Variants in COG6 observed in about 807,000 individuals in gnomAD.
COG6 encodes conserved oligomeric Golgi complex subunit 6.
COG6 carries 74 observed loss-of-function variants against 88.8 expected under a neutral mutation model. That is an observed-to-expected ratio of 0.83 (90% CI 0.69 to 1.01). COG6 has a LOEUF of 1.01. Ranked by LOEUF, COG6 falls within the 50% of genes least tolerant of loss-of-function variation. COG6 has a pLI of 0.00. For missense variants in COG6, 800 were observed against 797.9 expected (o/e 1.00, Z -0.03); for synonymous variants, 286 against 278.7 (o/e 1.03, Z -0.26).
In COG6 at chr13:39,687,695, T is replaced by C; in HGVS notation, c.918-13T>C. 1 of 1,613,852 alleles carries C rather than the reference T, an allele frequency of 6.2e-7. No individual in the cohort carries two copies. The highest frequency in any genetic ancestry group is 8.5e-7 in the Non-Finnish European group (1 of 1,179,818). On this transcript the variant is annotated splice_polypyrimidine_tract_variant and intron_variant, in intron 9 of 18. Coordinates refer to ENST00000455146, the MANE Select transcript of COG6 (RefSeq NM_020751.3). Reference sequence around the variant, plus strand: ...TCCAAAGGAAATCTTCATTAACATTTAGTTTTCATTAGGTATGTAGGAGAT... The same window carrying C: ...TCCAAAGGAAATCTTCATTAACATTCAGTTTTCATTAGGTATGTAGGAGAT...
At chr13:39,700,741 TAG>T (rs1877529873) in intron 13 of COG6, among the ~76,000 whole-genome samples, 1 of 151,882 alleles carries the variant, frequency 6.6e-6, no homozygotes. Context: ...CTGGTTATTA[TAG>T]AATTCTATGA....
At chr13:39,759,461 CAT>C (rs1461056791) in intron 18 of COG6, among the ~76,000 whole-genome samples, 1 of 152,040 alleles carries the variant, frequency 6.6e-6, no homozygotes, top group Non-Finnish European at 1.5e-5. Flanking sequence ...AATGCAGAGT[CAT>C]ATAATAATAT....
intron 18 of COG6, 40 bp downstream of exon 18, chr13:39,727,588 A>C: frequency 1.5e-6 from 2 of 1,321,684 alleles, no homozygotes; most frequent in Non-Finnish European, 2.2e-6. Context: ...AAAGATTCAC[A>C]TATTTTTAAA....
In COG6 at chr13:39,719,465, T is replaced by G. The variant is rs1878727744; in HGVS notation, c.1416+98T>G. Reference sequence around the variant, plus strand: ...TTGTAATTCATATACTTTGACAGTCTCTTTCTTACTGTTAATTTTCCATCA... The same window carrying G: ...TTGTAATTCATATACTTTGACAGTCGCTTTCTTACTGTTAATTTTCCATCA... On this transcript the variant is annotated intron_variant, in intron 14 of 18. Coordinates refer to ENST00000455146, the MANE Select transcript of COG6 (RefSeq NM_020751.3). 4.6e-6 allele frequency: 5 copies of G among 1,075,828 alleles called. No individual in the cohort carries two copies. In the Admixed American group the frequency reaches 6.5e-5, roughly 14 times the overall value. 66.6% of individuals were successfully genotyped at this position (1,075,828 alleles called of 1,614,324 possible).
At chr13:39,729,436 A>G (rs955501396) in intron 18 of COG6, among the ~76,000 whole-genome samples, 1 of 152,246 alleles carries the variant, frequency 6.6e-6, no homozygotes, top group Non-Finnish European at 1.5e-5. Flanking sequence ...ACAGAAAAAG[A>G]TAATATAAAC....
chr13:39,680,573 G>A (rs554560589), intron 7 of COG6, among the ~76,000 whole-genome samples: 4 of 152,170 alleles, frequency 2.6e-5, no homozygotes, highest in Non-Finnish European at 5.9e-5. Flanking sequence ...TGGTAGACCT[G>A]CATTTGTTTC....
chr13:39,770,935 T>G (rs1197181367), intron 18 of COG6, among the ~76,000 whole-genome samples: 1 of 152,220 alleles, frequency 6.6e-6, no homozygotes, highest in Non-Finnish European at 1.5e-5. Flanking sequence ...TCTTCTTGTT[T>G]CTACAAGACC....
At chr13:39,739,736 C>T (rs925075984) in intron 18 of COG6, among the ~76,000 whole-genome samples, 4 of 152,030 alleles carry the variant, frequency 2.6e-5, no homozygotes, top group African/African-American at 9.7e-5. Flanking sequence ...CAGTTCAAAA[C>T]AATATATGCA....
intron 13 of COG6, among the ~76,000 whole-genome samples, chr13:39,717,870 A>G (rs925946760): frequency 6.6e-6 from 1 of 152,122 alleles, no homozygotes; most frequent in Admixed American, 6.6e-5. Context: ...CAAAAAACAA[A>G]AACAAAAACA....
At chr13:39,671,009 G>A (rs563416103) in intron 4 of COG6, among the ~76,000 whole-genome samples, 57 of 152,056 alleles carry the variant, frequency 3.7e-4, no homozygotes, top group African/African-American at 1.3e-3. Context: ...GGGAAAACAG[G>A]GGAGCATCAC....
intron 10 of COG6, among the ~76,000 whole-genome samples, chr13:39,689,163 T>C (rs1876837455): frequency 6.6e-6 from 1 of 152,210 alleles, no homozygotes; most frequent in Non-Finnish European, 1.5e-5. Flanking sequence ...GTAAATAGAC[T>C]GTAGTTAGTT....
chr13:39,715,036 G>A (rs1231082765), intron 13 of COG6, among the ~76,000 whole-genome samples: 2 of 152,076 alleles, frequency 1.3e-5, no homozygotes, highest in Non-Finnish European at 2.9e-5. Flanking sequence ...GTGATATAAT[G>A]TACTATGGAG....
At chr13:39,719,994 A>C (rs907000151) in intron 15 of COG6, among the ~76,000 whole-genome samples, 167 bp downstream of exon 15, 1 of 147,764 alleles carries the variant, frequency 6.8e-6, no homozygotes, top group Admixed American at 6.8e-5. Flanking sequence ...GCACATACAC[A>C]ACACACACAC....
At chr13:39,683,168 C>T (rs916794918) in intron 8 of COG6, among the ~76,000 whole-genome samples, 9 of 152,168 alleles carry the variant, frequency 5.9e-5, no homozygotes, top group Admixed American at 4.6e-4. Context: ...AGAAACACAA[C>T]GTCAGTAAAG....
intron 13 of COG6, among the ~76,000 whole-genome samples, chr13:39,700,839 G>A (rs958748141): frequency 2.6e-5 from 4 of 151,864 alleles, no homozygotes; most frequent in African/African-American, 7.2e-5. Flanking sequence ...TTTACAGAGA[G>A]GAAGCTTTCC....
rs370035888 is a variant in COG6 at position 39,727,532 on chromosome 13, C to T, written c.1810C>T (p.Leu604=). Residue 604 remains leucine (L), a synonymous_variant, in exon 18 of 19, where the codon CTA becomes TTA. Transcript: ENST00000455146. Reference sequence around the variant, plus strand: ...ATTGATACCACAGCTGAACTTTCTTCTAAGTGCCACAGTGAAGTAAGTATT... The same window carrying T: ...ATTGATACCACAGCTGAACTTTCTTTTAAGTGCCACAGTGAAGTAAGTATT... ...NLLIPQLNFL[L]SATVKEQIVK... The T allele has an allele frequency of 1.2e-5, 20 of 1,612,558 alleles. No homozygotes were observed. In the East Asian group the frequency reaches 4.2e-4, roughly 34 times the overall value.
chr13:39,690,270 T>G (rs1407160327), intron 11 of COG6, among the ~76,000 whole-genome samples: 3 of 152,024 alleles, frequency 2.0e-5, no homozygotes, highest in Non-Finnish European at 4.4e-5. Flanking sequence ...CAATACTGTT[T>G]ATAGTGCAAG....
chr13:39,682,579 C>T (rs1056367311), intron 8 of COG6: 2 of 280,508 alleles, frequency 7.1e-6, no homozygotes, highest in Admixed American at 4.9e-5. Context: ...AACTAAAACT[C>T]CTGTATGAAT....
chr13:39,726,182 A>G (rs1879126570), intron 17 of COG6, among the ~76,000 whole-genome samples: 1 of 151,858 alleles, frequency 6.6e-6, no homozygotes, highest in Non-Finnish European at 1.5e-5. Context: ...GCATGTCCAA[A>G]ACTAACTCTG....
Sources: gnomAD v4.1 joint callset for allele counts (sites outside exome capture counted in the v4.1 genomes callset) on GRCh38, gnomAD v4.1.1 for gene constraint, MANE v1.5 for transcripts, NCBI Gene and HGNC (gene_info 2026-07-23, HGNC 2026-07-21) for gene names.